NSG2: variants seen among roughly 807,000 people sequenced by gnomAD.
NSG2 encodes neuronal vesicle trafficking associated 2, also known as neuronal vesicle trafficking-associated protein 2.
NSG2 carries 4 observed loss-of-function variants against 16.9 expected under a neutral mutation model. That is an observed-to-expected ratio of 0.24 (90% CI 0.12 to 0.54). The LOEUF (loss-of-function observed/expected upper bound fraction) is 0.54. Among genes scored for constraint, NSG2 ranks in the 20% least tolerant of loss-of-function variants. NSG2 has a pLI of 0.95. For synonymous variants in NSG2, 98 were observed against 88.7 expected, an observed-to-expected ratio of 1.11 and a Z score of -0.59; for missense variants, 179 against 221.1, an observed-to-expected ratio of 0.81 and a Z score of 1.21.
At chr5:174,055,245 G>A (rs890329094) in intron 2 of NSG2, among the ~76,000 whole-genome samples, 7 of 152,120 alleles carry the variant, frequency 4.6e-5, no homozygotes, top group Non-Finnish European at 8.8e-5. Flanking sequence ...GAAGTCCCCC[G>A]TAGAGGATCC....
chr5:174,108,041 G>A lies in NSG2; in HGVS notation c.*536G>A, dbSNP rs1126177. Reference sequence around the variant, plus strand: ...GGCCCGCAGGAAATGAGGAATGGCCGAGCTGGAGAGAAGAGCTGATTTTGG... The same window carrying A: ...GGCCCGCAGGAAATGAGGAATGGCCAAGCTGGAGAGAAGAGCTGATTTTGG... On this transcript the variant is annotated 3_prime_UTR_variant, in exon 5 of 5. Transcript: ENST00000303177. The A allele has an allele frequency of 0.26, 80,467 of 305,744 alleles. 14,762 individuals are homozygous for A. Among genetic ancestry groups the A allele is most frequent in the African/African-American group, 0.64 (28,587 of 44,522 alleles). The allele number at this position is 305,744 out of a possible 1,614,324, so 18.9% of individuals were successfully genotyped here.
chr5:174,106,356 G>A (rs1257586223), intron 4 of NSG2, among the ~76,000 whole-genome samples: 1 of 152,094 alleles, frequency 6.6e-6, no homozygotes, highest in Non-Finnish European at 1.5e-5. Flanking sequence ...AACGTGCAAA[G>A]AAAATAAATA....
At chr5:174,064,174 A>G in intron 2 of NSG2, 58 bp from the exon 3 acceptor site, 1 of 1,248,788 alleles carries the variant, frequency 8.0e-7, no homozygotes. Context: ...ACTGAAAAAA[A>G]AGAAAGGAAA....
chr5:174,077,007 C>T (rs1348013029), intron 3 of NSG2, among the ~76,000 whole-genome samples: 2 of 152,194 alleles, frequency 1.3e-5, no homozygotes, highest in East Asian at 3.9e-4. Context: ...CTAGCAATCT[C>T]CCAGAGATTT....
intron 3 of NSG2, among the ~76,000 whole-genome samples, chr5:174,084,934 A>G (rs1400621513): frequency 2.0e-5 from 3 of 152,196 alleles, no homozygotes; most frequent in Non-Finnish European, 2.9e-5. Context: ...GTCTTTGTAC[A>G]GTCAGAATGG....
chr5:174,049,475 A>T (rs2113416715), intron 2 of NSG2, among the ~76,000 whole-genome samples: 1 of 152,280 alleles, frequency 6.6e-6, no homozygotes, highest in East Asian at 1.9e-4. Flanking sequence ...TCACTCACAC[A>T]TGTGTGCAAT....
chr5:174,071,270 C>T (rs772120214), intron 3 of NSG2, among the ~76,000 whole-genome samples: 49 of 152,268 alleles, frequency 3.2e-4, no homozygotes, highest in Non-Finnish European at 5.9e-4. Context: ...GGGTGGATCA[C>T]GAGGTCAGGA....
rs768997497 is a variant in NSG2, at chr5:174,107,534, G to C, written c.*29G>C. On this transcript the variant is annotated 3_prime_UTR_variant, in exon 5 of 5. Transcript: ENST00000303177. This position sits in a 1 kb window ranked among gnomAD's most constrained non-coding sequence, Gnocchi z 4.5. ...CCTGCCCCAGCCAGAATGGGGGGCG[G>C]GGTGGAGAGGAGGACCCCCATTGGC... 1.9e-6 allele frequency: 3 copies of C among 1,587,426 alleles called. No individual in the cohort carries two copies. The Admixed American group carries it at 5.2e-5, about 28-fold the overall frequency.
In NSG2 at chr5:174,081,841, G is replaced by T. The variant is rs182192523; in HGVS notation, c.213+17526G>T. Among the ~76,000 whole-genome samples, 611 of 132,640 alleles carry T rather than the reference G, an allele frequency of 4.6e-3. 5 individuals carry two copies. Among genetic ancestry groups the T allele is most frequent in the African/African-American group, 0.016 (554 of 33,858 alleles). 87.0% of individuals were successfully genotyped at this position (132,640 alleles called of 152,430 possible). A position where few individuals can be genotyped will look rare whatever the true frequency, so the allele number is the denominator to read the frequency against. On this transcript the variant is annotated intron_variant, in intron 3 of 4. Coordinates refer to ENST00000303177, the MANE Select transcript of NSG2 (RefSeq NM_015980.5). ...GGAGGCAGAGCTTGCAGTGAGCCAA[G>T]ATGGCACCACTGCACTCCAGCCTGA... is the stretch of plus-strand genomic sequence containing the variant.
intron 3 of NSG2, among the ~76,000 whole-genome samples, chr5:174,102,766 A>ATTTATTTC: frequency 6.9e-6 from 1 of 145,754 alleles, no homozygotes; most frequent in Admixed American, 6.8e-5. Flanking sequence ...TTATTTATTT[A>ATTTATTTC]TTTATTTATT....
At chr5:174,057,673 C>T (rs1759986906) in intron 2 of NSG2, among the ~76,000 whole-genome samples, 1 of 152,302 alleles carries the variant, frequency 6.6e-6, no homozygotes, top group Admixed American at 6.5e-5. Context: ...TCTTCACTGC[C>T]CTCACATTAA....
chr5:174,089,045 T>C (rs1171082479), intron 3 of NSG2, among the ~76,000 whole-genome samples: 1 of 152,138 alleles, frequency 6.6e-6, no homozygotes, highest in Non-Finnish European at 1.5e-5. Context: ...GGATGTGGAA[T>C]CAGCCATGAC....
At chr5:174,047,478 A>C (rs1759818255) in intron 2 of NSG2, among the ~76,000 whole-genome samples, 2 of 152,242 alleles carry the variant, frequency 1.3e-5, no homozygotes, top group Admixed American at 1.3e-4. Flanking sequence ...CTGAGAAGAC[A>C]GGTTAGGCAA....
intron 2 of NSG2, among the ~76,000 whole-genome samples, chr5:174,047,999 A>C (rs752087391): frequency 2.6e-5 from 4 of 152,232 alleles, no homozygotes; most frequent in Non-Finnish European, 5.9e-5. Flanking sequence ...AGCCAAAGCT[A>C]GATAAAGGGG....
intron 2 of NSG2, among the ~76,000 whole-genome samples, chr5:174,054,230 T>A (rs1759933856): frequency 6.6e-6 from 1 of 152,244 alleles, no homozygotes; most frequent in African/African-American, 2.4e-5. Context: ...GTTTTATTCT[T>A]GTAATTCATA....
chr5:174,064,055 CTG>C (rs1760100146), intron 2 of NSG2, among the ~76,000 whole-genome samples, 175 bp from the exon 3 acceptor site: 1 of 151,968 alleles, frequency 6.6e-6, no homozygotes, highest in South Asian at 2.1e-4. Context: ...AGGGTTGTCT[CTG>C]TTGGAATGGG....
chr5:174,088,278 C>A (rs1581237241), intron 3 of NSG2, among the ~76,000 whole-genome samples: 1 of 152,158 alleles, frequency 6.6e-6, no homozygotes, highest in African/African-American at 2.4e-5. Context: ...TTCAAAGTCG[C>A]ACAGGTGGTA....
intron 3 of NSG2, among the ~76,000 whole-genome samples, chr5:174,077,219 G>T (rs1007291536): frequency 2.0e-5 from 3 of 152,088 alleles, no homozygotes; most frequent in Admixed American, 2.0e-4. Context: ...TTGTATAAAG[G>T]AGGATAAAAA....
At chr5:174,074,234 G>A (rs1336189402) in intron 3 of NSG2, among the ~76,000 whole-genome samples, 1 of 152,188 alleles carries the variant, frequency 6.6e-6, no homozygotes, top group Non-Finnish European at 1.5e-5. Flanking sequence ...AATGGGTGGC[G>A]AAGGCTCCAT....
Sources: allele counts gnomAD v4.1 joint callset (sites outside exome capture counted in the v4.1 genomes callset), GRCh38; gene constraint gnomAD v4.1.1; non-coding constraint Gnocchi (gnomAD v3.1); transcripts MANE v1.5; gene names NCBI Gene and HGNC (gene_info 2026-07-23, HGNC 2026-07-21).